TMEM160: variants seen among roughly 807,000 people sequenced by gnomAD.
TMEM160 encodes the protein transmembrane protein 160.
A neutral mutation model predicts 13.9 loss-of-function variants in TMEM160; 10 were observed. The observed-to-expected ratio is 0.72, with a 90% confidence interval of 0.45 to 1.22. The LOEUF (loss-of-function observed/expected upper bound fraction) is 1.22. Ranked by LOEUF, TMEM160 falls within the 50% of genes most tolerant of loss-of-function variation. TMEM160 has a pLI of 0.00. For missense variants in TMEM160, 287 were observed against 283.2 expected, an observed-to-expected ratio of 1.01 and a Z score of -0.10; for synonymous variants, 159 against 134.8, an observed-to-expected ratio of 1.18 and a Z score of -1.25.
intron 1 of TMEM160, chr19:47,047,679 G>A: frequency 1.4e-6 from 1 of 720,378 alleles, no homozygotes; most frequent in Non-Finnish European, 1.7e-6. Context: ...GCAAGACCCC[G>A]TCTCTACATA....
chr19:47,048,312 GC>G, intron 1 of TMEM160, 94 bp downstream of exon 1: 1 of 1,131,756 alleles, frequency 8.8e-7, no homozygotes, highest in Non-Finnish European at 1.2e-6. Flanking sequence ...CCGAGCCCGG[GC>G]CCCGTTTCCT....
At chr19:47,048,213 C>A (rs542098806) in intron 1 of TMEM160, among the ~76,000 whole-genome samples, 194 bp downstream of exon 1, 155 of 152,320 alleles carry the variant, frequency 1.0e-3, no homozygotes, top group African/African-American at 3.6e-3. Context: ...CCGGGGTCCT[C>A]GTCCTCCCCG....
chr19:47,047,501 C>T (rs1265992754), intron 1 of TMEM160: 1 of 985,448 alleles, frequency 1.0e-6, no homozygotes. Flanking sequence ...CCAATCCCAC[C>T]CACGTCCGTC....
chr19:47,046,515 GTC>G lies in TMEM160; in HGVS notation c.301+76_301+77del. ...ACTGGGAGTGGGATGGGGTAGGAGA[GTC>G]TACTCTCACCAGGGCAGGTGATAGG... is the stretch of plus-strand genomic sequence containing the variant. On this transcript the variant is annotated intron_variant, in intron 2 of 2. Transcript: ENST00000253047. 4 of 1,257,586 alleles carry G rather than the reference GTC, an allele frequency of 3.2e-6. No individual in the cohort carries two copies. In the South Asian group the frequency reaches 4.8e-5, roughly 15 times the overall value. The allele number at this position is 1,257,586 out of a possible 1,614,324, so 77.9% of individuals were successfully genotyped here.
At chr19:47,047,081 G>A (rs2057084542) in intron 1 of TMEM160, among the ~76,000 whole-genome samples, 1 of 152,162 alleles carries the variant, frequency 6.6e-6, no homozygotes, top group African/African-American at 2.4e-5. Context: ...GTGGTAGCAC[G>A]TGCTTGTAGT....
At chr19:47,048,376 A>C (rs1011954533) in intron 1 of TMEM160, 31 bp downstream of exon 1, 2 of 1,459,920 alleles carry the variant, frequency 1.4e-6, no homozygotes, top group Non-Finnish European at 1.8e-6. Flanking sequence ...CCCCCGTCCC[A>C]TCCGCACCGC....
rs1484695270 is a variant in TMEM160, at chr19:47,048,591, A to C, written c.24T>G (p.Ala8=). MGGGWWW[A]RAARLARLRF... ...GAAGACGGGCAAGGCGAGCGGCCCG[A>C]GCCCACCACCAGCCGCCTCCCATGA... Residue 8 remains alanine, a synonymous_variant, in exon 1 of 3, where the codon GCT becomes GCG. Coordinates refer to ENST00000253047, the MANE Select transcript of TMEM160 (RefSeq NM_017854.2). 6.5e-7 allele frequency: 1 copy of C among 1,531,314 alleles called. No individual in the cohort carries two copies. The highest frequency in any genetic ancestry group is 1.4e-5 in the African/African-American group (1 of 70,372). The allele number at this position is 1,531,314 out of a possible 1,614,324, so 94.9% of individuals were successfully genotyped here. A position where few individuals can be genotyped will look rare whatever the true frequency, so the allele number is the denominator to read the frequency against.
At chr19:47,047,670 C>G in intron 1 of TMEM160, 1 of 769,026 alleles carries the variant, frequency 1.3e-6, no homozygotes, top group Non-Finnish European at 1.6e-6. Context: ...GGCAACAAAG[C>G]AAGACCCCGT....
At chr19:47,047,909 C>A in intron 1 of TMEM160, 1 of 985,264 alleles carries the variant, frequency 1.0e-6, no homozygotes, top group Non-Finnish European at 1.2e-6. Flanking sequence ...ACCTCGCCTC[C>A]GTCACAAGCC....
intron 1 of TMEM160, chr19:47,047,447 G>A (rs1227651974): frequency 1.0e-6 from 1 of 984,882 alleles, no homozygotes. Flanking sequence ...TACCGAGTAT[G>A]GCCTGGGCCA....
In TMEM160 at chr19:47,048,410, T is replaced by C. The variant is rs1249216351; in HGVS notation, c.205A>G (p.Thr69Ala). 1.3e-6 allele frequency: 2 copies of C among 1,482,566 alleles called. No individual in the cohort carries two copies. The highest frequency in any genetic ancestry group is 1.8e-6 in the Non-Finnish European group (2 of 1,126,600). The allele number at this position is 1,482,566 out of a possible 1,614,324, so 91.8% of individuals were successfully genotyped here. A position where few individuals can be genotyped will look rare whatever the true frequency, so the allele number is the denominator to read the frequency against. Residue 69 changes from threonine to alanine, a missense_variant, in exon 1 of 3, where the codon ACA (threonine) becomes GCA (alanine). Physicochemically the swap from Thr to Ala is moderately conservative, Grantham distance 58. Coordinates refer to ENST00000253047, the MANE Select transcript of TMEM160 (RefSeq NM_017854.2). ...DAWLLRKAHETAFLSWFRNGL... is the reference protein window; with the variant it reads ...DAWLLRKAHEAAFLSWFRNGL... ...GCCCCCACCCCTAGCCACCGACCTGTCTCGTGCGCTTTTCGGAGGAGCCAG... is the reference window on the plus strand; with the variant it reads ...GCCCCCACCCCTAGCCACCGACCTGCCTCGTGCGCTTTTCGGAGGAGCCAG...
chr19:47,048,484 C>T lies in TMEM160; in HGVS notation c.131G>A (p.Arg44His). The T allele has an allele frequency of 2.1e-6, 3 of 1,416,492 alleles. No individual in the cohort carries two copies. The highest frequency in any genetic ancestry group is 2.7e-6 in the Non-Finnish European group (3 of 1,097,258). 87.7% of individuals were successfully genotyped at this position (1,416,492 alleles called of 1,614,324 possible). ...RGSFAPGHGP[R>H]AGASPPPVSE... The stretch of plus-strand genomic sequence containing the variant: ...CACTGGGGGCGGCGAAGCCCCGGCG[C>T]GGGGACCGTGGCCGGGGGCGAAGGA... Residue 44 changes from arginine (R) to histidine (H), a missense_variant, in exon 1 of 3, where the codon CGC becomes CAC. Physicochemically the swap from Arg to His is conservative, Grantham distance 29. Transcript: ENST00000253047.
intron 1 of TMEM160, among the ~76,000 whole-genome samples, chr19:47,046,930 G>C (rs544281030): frequency 6.6e-6 from 1 of 152,136 alleles, no homozygotes; most frequent in African/African-American, 2.4e-5. Context: ...AGGATTCAAG[G>C]GCCGGGTGTG....
Position 47,048,493 on chromosome 19 carries a change from T to G in TMEM160, c.122A>C (p.His41Pro). 1 of 1,425,004 alleles carries G rather than the reference T, an allele frequency of 7.0e-7. No homozygotes were observed. Among genetic ancestry groups the G allele is most frequent in the Non-Finnish European group, 9.1e-7 (1 of 1,101,026 alleles). The allele number at this position is 1,425,004 out of a possible 1,614,324, so 88.3% of individuals were successfully genotyped here. The change falls in exon 1 of 3, where the codon CAC (histidine) becomes CCC (proline). Residue 41 changes from histidine to proline, a missense_variant. His to Pro is a moderately conservative substitution (Grantham distance 77, BLOSUM62 -2). Transcript: ENST00000253047. The stretch of plus-strand genomic sequence containing the variant: ...CGGCGAAGCCCCGGCGCGGGGACCG[T>G]GGCCGGGGGCGAAGGACCCCCGGGC... ...GGARGSFAPG[H>P]GPRAGASPPP... is the part of the protein sequence containing the mutation.
At chr19:47,047,041 C>T (rs956278018) in intron 1 of TMEM160, among the ~76,000 whole-genome samples, 5 of 152,142 alleles carry the variant, frequency 3.3e-5, no homozygotes, top group African/African-American at 4.8e-5. Flanking sequence ...CAAACCCTGT[C>T]TCTACTAAAA....
intron 1 of TMEM160, 129 bp from the exon 2 acceptor site, chr19:47,046,814 T>A (rs1362345172): frequency 4.4e-6 from 3 of 686,832 alleles, no homozygotes; most frequent in Admixed American, 2.2e-5. Context: ...GGCAAGCCCA[T>A]CCCAAATCCT....
chr19:47,048,177 C>A (rs2057090958), intron 1 of TMEM160, among the ~76,000 whole-genome samples: 2 of 152,234 alleles, frequency 1.3e-5, no homozygotes, highest in Admixed American at 6.5e-5. Flanking sequence ...CTACCACCCC[C>A]TCCAATCCCT....
intron 1 of TMEM160, among the ~76,000 whole-genome samples, chr19:47,046,938 G>A (rs1263202994): frequency 1.3e-5 from 2 of 152,206 alleles, no homozygotes; most frequent in Non-Finnish European, 2.9e-5. Context: ...AGGGCCGGGT[G>A]TGGTGGCTCA....
chr19:47,046,628 A>T lies in TMEM160; in HGVS notation c.266T>A (p.Phe89Tyr). The T allele has an allele frequency of 1.2e-6, 2 of 1,613,594 alleles. No individual in the cohort carries two copies. The highest frequency in any genetic ancestry group is 1.7e-6 in the Non-Finnish European group (2 of 1,179,904). Residue 89 changes from phenylalanine to tyrosine, a missense_variant, in exon 2 of 3, where the codon TTC (phenylalanine) becomes TAC (tyrosine). Coordinates refer to ENST00000253047, the MANE Select transcript of TMEM160 (RefSeq NM_017854.2). ...TTCCCGACCCATGTCACTCTGCATGAAGGAGATGACCCCGATGCCCGATGC... is the reference window on the plus strand; with the variant it reads ...TTCCCGACCCATGTCACTCTGCATGTAGGAGATGACCCCGATGCCCGATGC... ...LLASGIGVIS[F>Y]MQSDMGREAA...
Sources: gnomAD v4.1 joint callset for allele counts (sites outside exome capture counted in the v4.1 genomes callset) on GRCh38, gnomAD v4.1.1 for gene constraint, MANE v1.5 for transcripts, NCBI Gene and HGNC (gene_info 2026-07-23, HGNC 2026-07-21) for gene names.